CALCR: variants seen among roughly 807,000 people sequenced by gnomAD.
CALCR encodes calcitonin receptor.
Under a neutral mutation model 59.5 loss-of-function variants are expected in CALCR, and 47 were observed. That is an observed-to-expected ratio of 0.79 (90% CI 0.63 to 1.01). The LOEUF is 1.01. CALCR is among the 50% of genes least tolerant of loss of function. The pLI, the probability that CALCR is intolerant of heterozygous loss-of-function variation, is 0.00. For missense variants in CALCR, 566 were observed against 597.1 expected (o/e 0.95, Z 0.54); for synonymous variants, 213 against 211.3 (o/e 1.01, Z -0.07).
At chr7:93,481,737 CTT>C (rs1800801957) in intron 3 of CALCR, among the ~76,000 whole-genome samples, 2 of 151,886 alleles carry the variant, frequency 1.3e-5, no homozygotes. Flanking sequence ...TGACACTACT[CTT>C]TAAACATTTT....
chr7:93,504,306 C>T (rs1801381657), intron 2 of CALCR, among the ~76,000 whole-genome samples: 1 of 152,168 alleles, frequency 6.6e-6, no homozygotes, highest in African/African-American at 2.4e-5. Flanking sequence ...CCTAAAAACA[C>T]TATCATTGTA....
At chr7:93,432,268 C>T (rs1799674721) in intron 13 of CALCR, among the ~76,000 whole-genome samples, 1 of 152,008 alleles carries the variant, frequency 6.6e-6, no homozygotes, top group African/African-American at 2.4e-5. Context: ...TTGAGTTAGC[C>T]CCCTAGATTT....
intron 8 of CALCR, among the ~76,000 whole-genome samples, chr7:93,451,057 A>T (rs1453516304): frequency 4.0e-5 from 6 of 151,414 alleles, no homozygotes; most frequent in Non-Finnish European, 7.4e-5. Context: ...TCCTGCCTTC[A>T]TGATTTGTAG....
intron 2 of CALCR, among the ~76,000 whole-genome samples, chr7:93,528,240 T>C (rs979552266): frequency 1.3e-5 from 2 of 152,216 alleles, no homozygotes; most frequent in African/African-American, 4.8e-5. Context: ...CTGTTCAAAG[T>C]ACATGCTCAA....
At chr7:93,572,862 T>C (rs1365293991) in intron 2 of CALCR, among the ~76,000 whole-genome samples, 1 of 152,230 alleles carries the variant, frequency 6.6e-6, no homozygotes, top group Non-Finnish European at 1.5e-5. Context: ...TCTTGTTTAC[T>C]TATTGTGTTG....
chr7:93,439,514 C>T (rs772082314), intron 9 of CALCR, among the ~76,000 whole-genome samples: 4 of 152,120 alleles, frequency 2.6e-5, no homozygotes, highest in East Asian at 1.9e-4. Context: ...CATCTGGAGA[C>T]GAGTATAGAC....
chr7:93,496,817 T>C (rs998024159), intron 2 of CALCR, among the ~76,000 whole-genome samples: 2 of 151,650 alleles, frequency 1.3e-5, no homozygotes, highest in African/African-American at 4.8e-5. Flanking sequence ...CTATTTAATA[T>C]GTTTCTGTAG....
intron 2 of CALCR, among the ~76,000 whole-genome samples, chr7:93,502,966 A>G (rs1217688231): frequency 2.0e-5 from 3 of 152,104 alleles, no homozygotes; most frequent in Non-Finnish European, 4.4e-5. Context: ...ACCTCCTTCA[A>G]TCTTTTCAAT....
rs1220699885 is a variant in CALCR, at chr7:93,425,505, G to A, written c.*851C>T. The A allele has an allele frequency of 6.7e-6, 1 of 149,896 alleles. No homozygotes were observed. The highest frequency in any genetic ancestry group is 1.5e-5 in the Non-Finnish European group (1 of 67,236). 9.3% of individuals were successfully genotyped at this position (149,896 alleles called of 1,614,324 possible). A position where few individuals can be genotyped will look rare whatever the true frequency, so the allele number is the denominator to read the frequency against. ...TTTATAAATCCTGGAGTTTAGGGGA[G>A]TGGCAAACTCTCTTTAAAGGGAGTA... On this transcript the variant is annotated 3_prime_UTR_variant, in exon 14 of 14. Transcript: ENST00000426151.
rs376494892 is a variant in CALCR at position 93,492,022 on chromosome 7, C to A, written c.-26-5015G>T. Reference sequence around the variant, plus strand: ...AACCCAAATGCCCATCAAAGATAGACCGTATAAAGAAAATGTGGTACATAT... The same window carrying A: ...AACCCAAATGCCCATCAAAGATAGAACGTATAAAGAAAATGTGGTACATAT... On this transcript the variant is annotated intron_variant, in intron 2 of 13. Coordinates refer to ENST00000426151, the MANE Select transcript of CALCR (RefSeq NM_001742.4). Among the ~76,000 whole-genome samples, 8 of 151,890 alleles carry A rather than the reference C, an allele frequency of 5.3e-5. No individual in the cohort carries two copies. The East Asian group carries it at 1.4e-3, about 26-fold the overall frequency.
intron 2 of CALCR, among the ~76,000 whole-genome samples, chr7:93,498,283 AT>A (rs1482159058): frequency 6.6e-6 from 1 of 151,716 alleles, no homozygotes; most frequent in African/African-American, 2.4e-5. Flanking sequence ...CTCAATAAGC[AT>A]TCAATGAATG....
At chr7:93,489,099 G>T (rs1236426621) in intron 2 of CALCR, among the ~76,000 whole-genome samples, 2 of 151,806 alleles carry the variant, frequency 1.3e-5, no homozygotes, top group African/African-American at 4.8e-5. Context: ...TAGAACTCAG[G>T]ACTAAAAAAC....
chr7:93,436,192 A>G (rs1284215902), intron 11 of CALCR, 22 bp from the exon 12 acceptor site: 2 of 1,578,502 alleles, frequency 1.3e-6, no homozygotes, highest in African/African-American at 2.7e-5. Flanking sequence ...CGGTGTTATG[A>G]GCAAATCATA....
chr7:93,539,572 G>A (rs6966283), intron 2 of CALCR, among the ~76,000 whole-genome samples: 13,259 of 151,984 alleles, frequency 0.087, 650 homozygotes, highest in African/African-American at 0.1. Flanking sequence ...CCAAAGAGTC[G>A]TTTCTAGATG....
intron 6 of CALCR, among the ~76,000 whole-genome samples, chr7:93,470,130 T>C (rs1355553735): frequency 1.3e-5 from 2 of 151,774 alleles, no homozygotes; most frequent in Admixed American, 6.6e-5. Context: ...ATTTTCATTG[T>C]TGATACCACT....
chr7:93,434,436 G>A, intron 12 of CALCR, 142 bp from the exon 13 acceptor site: 2 of 596,456 alleles, frequency 3.4e-6, no homozygotes, highest in Non-Finnish European at 6.0e-6. Context: ...TTCATAGTCA[G>A]TGCTGCACTA....
At chr7:93,551,355 G>A (rs1376525394) in intron 2 of CALCR, among the ~76,000 whole-genome samples, 1 of 152,168 alleles carries the variant, frequency 6.6e-6, no homozygotes, top group Admixed American at 6.5e-5. Flanking sequence ...TGAAGCTCTG[G>A]ATATATGCAG....
Position 93,472,455 on chromosome 7 carries a change from C to T in CALCR, c.349G>A (p.Val117Ile). 1.2e-6 allele frequency: 2 copies of T among 1,608,272 alleles called. No individual in the cohort carries two copies. The highest frequency in any genetic ancestry group is 1.7e-6 in the Non-Finnish European group (2 of 1,175,644). The part of the protein sequence containing the change: ...KVTKYCDEKG[V>I]WFKHPENNRT... ...TTGTTTTCAGGATGTTTAAACCAAA[C>T]ACCTTTTTCATCACAGTATTTTGTA... The change falls in exon 6 of 14, where the codon GTT (valine) becomes ATT (isoleucine). Residue 117 changes from valine (V) to isoleucine (I), a missense_variant. Val to Ile is a conservative substitution (Grantham distance 29). Coordinates refer to ENST00000426151, the MANE Select transcript of CALCR (RefSeq NM_001742.4).
chr7:93,489,924 C>G (rs1801036554), intron 2 of CALCR, among the ~76,000 whole-genome samples: 1 of 151,926 alleles, frequency 6.6e-6, no homozygotes, highest in Admixed American at 6.6e-5. Flanking sequence ...CCAGCATCAT[C>G]CTGATACCAA....
Sources: gnomAD v4.1 joint callset for allele counts (sites outside exome capture counted in the v4.1 genomes callset) on GRCh38, gnomAD v4.1.1 for gene constraint, MANE v1.5 for transcripts, NCBI Gene and HGNC (gene_info 2026-07-23, HGNC 2026-07-21) for gene names.